The following FARP1 variants were observed in gnomAD, a reference collection of about 807,000 sequenced individuals.
FARP1 encodes FERM, ARHGEF and pleckstrin domain-containing protein 1.
FARP1 carries 52 observed loss-of-function variants against 128.8 expected under a neutral mutation model. That is an observed-to-expected ratio of 0.40 (90% CI 0.32 to 0.51). FARP1 has a LOEUF of 0.51. Among genes scored for constraint, FARP1 ranks in the 20% least tolerant of loss-of-function variants. The probability of loss-of-function intolerance (pLI) is 0.45; values close to 1 mark genes in which losing one functional copy is unlikely to be tolerated. For synonymous variants in FARP1, 580 were observed against 551.8 expected (o/e 1.05, Z -0.72); for missense variants, 1,333 against 1,367.9 (o/e 0.97, Z 0.40).
intron 2 of FARP1, among the ~76,000 whole-genome samples, chr13:98,290,771 C>G (rs570897969): frequency 6.6e-6 from 1 of 151,970 alleles, no homozygotes; most frequent in Non-Finnish European, 1.5e-5. Flanking sequence ...GACAAGATCT[C>G]CTAAAGAATT....
At chr13:98,444,543 C>T (rs1044611545) in intron 24 of FARP1, among the ~76,000 whole-genome samples, 7 of 152,134 alleles carry the variant, frequency 4.6e-5, no homozygotes, top group South Asian at 2.1e-4. Context: ...ACTCATGGCG[C>T]GCAGGGCCCG....
chr13:98,252,280 A>G (rs2139496756), intron 2 of FARP1, among the ~76,000 whole-genome samples: 1 of 152,308 alleles, frequency 6.6e-6, no homozygotes, highest in East Asian at 1.9e-4. Context: ...AGACTTCCTG[A>G]CTATTCAATG....
chr13:98,391,279 C>T (rs1408731270), intron 11 of FARP1, among the ~76,000 whole-genome samples: 3 of 152,152 alleles, frequency 2.0e-5, no homozygotes, highest in Non-Finnish European at 4.4e-5. Context: ...TGAGCAGAAA[C>T]AGGATTTTTT....
At chr13:98,155,841 A>G (rs1307317950) in intron 1 of FARP1, among the ~76,000 whole-genome samples, 1 of 152,176 alleles carries the variant, frequency 6.6e-6, no homozygotes, top group Non-Finnish European at 1.5e-5. Context: ...CTTGCCAGCC[A>G]TGGAAGTTAT....
intron 5 of FARP1, among the ~76,000 whole-genome samples, chr13:98,374,033 T>C (rs1177477993): frequency 3.3e-5 from 5 of 152,240 alleles, no homozygotes; most frequent in Non-Finnish European, 7.3e-5. Flanking sequence ...TCTGAATTTT[T>C]CTATGCATAC....
intron 2 of FARP1, among the ~76,000 whole-genome samples, chr13:98,296,108 G>T (rs541608437): frequency 6.6e-6 from 1 of 152,080 alleles, no homozygotes; most frequent in Non-Finnish European, 1.5e-5. Context: ...CCCGAGCATC[G>T]ATACATTATT....
At chr13:98,153,303 T>TA (rs1491257662) in intron 1 of FARP1, among the ~76,000 whole-genome samples, 5 of 55,382 alleles carry the variant, frequency 9.0e-5, no homozygotes, top group Non-Finnish European at 1.6e-4. Context: ...TATAAATATA[T>TA]TTATATATAA....
intron 24 of FARP1, among the ~76,000 whole-genome samples, chr13:98,441,246 G>A (rs963425644): frequency 6.6e-6 from 1 of 152,182 alleles, no homozygotes; most frequent in Non-Finnish European, 1.5e-5. Context: ...GGAGGGAGGA[G>A]AGTCTGCACG....
At chr13:98,214,293 G>A (rs189271705) in intron 2 of FARP1, among the ~76,000 whole-genome samples, 1 of 152,216 alleles carries the variant, frequency 6.6e-6, no homozygotes, top group East Asian at 1.9e-4. Flanking sequence ...TGGCTAAGCA[G>A]CAGGCCCACT....
intron 2 of FARP1, among the ~76,000 whole-genome samples, chr13:98,322,950 A>G (rs1376905790): frequency 6.6e-6 from 1 of 152,202 alleles, no homozygotes; most frequent in Non-Finnish European, 1.5e-5. Flanking sequence ...AAATATTTGC[A>G]TTCGTAATAG....
intron 1 of FARP1, among the ~76,000 whole-genome samples, chr13:98,186,391 A>C (rs2139219111): frequency 6.6e-6 from 1 of 152,158 alleles, no homozygotes; most frequent in South Asian, 2.1e-4. Context: ...TACAGATGTG[A>C]GCCACCGCGC....
chr13:98,233,483 C>G (rs151067774), intron 2 of FARP1, among the ~76,000 whole-genome samples: 3 of 152,116 alleles, frequency 2.0e-5, no homozygotes, highest in Non-Finnish European at 4.4e-5. Context: ...CAGCTCCTTC[C>G]CCCAAATACA....
At chr13:98,149,416 A>G (rs749801988) in intron 1 of FARP1, among the ~76,000 whole-genome samples, 2 of 151,462 alleles carry the variant, frequency 1.3e-5, no homozygotes, top group Non-Finnish European at 2.9e-5. Context: ...TGCTGTGAAC[A>G]TTTGTGAACA....
intron 3 of FARP1, among the ~76,000 whole-genome samples, chr13:98,350,065 C>T (rs773178576): frequency 1.1e-4 from 16 of 152,086 alleles, no homozygotes; most frequent in Non-Finnish European, 5.9e-5. Context: ...GTCACAGGAT[C>T]GAGGACAGCC....
At chr13:98,177,077 C>A in intron 1 of FARP1, 1 of 1,597,306 alleles carries the variant, frequency 6.3e-7, no homozygotes, top group Non-Finnish European at 8.5e-7. Context: ...GCCACTGTGT[C>A]GCCCTCGTCC....
At chr13:98,264,155 C>T (rs543876920) in intron 2 of FARP1, among the ~76,000 whole-genome samples, 8 of 152,324 alleles carry the variant, frequency 5.3e-5, no homozygotes, top group African/African-American at 9.6e-5. Context: ...ATACTATCTA[C>T]CTCATTTCCC....
At chr13:98,181,353 G>C (rs1878498661) in intron 1 of FARP1, among the ~76,000 whole-genome samples, 1 of 152,246 alleles carries the variant, frequency 6.6e-6, no homozygotes, top group South Asian at 2.1e-4. Flanking sequence ...CCTGCAAAGT[G>C]GGGTATAAGA....
At chr13:98,289,795 G>A (rs1885364710) in intron 2 of FARP1, among the ~76,000 whole-genome samples, 2 of 151,882 alleles carry the variant, frequency 1.3e-5, no homozygotes, top group Non-Finnish European at 1.5e-5. Flanking sequence ...ACGCCCTCCC[G>A]AAAGCCTGGC....
At chr13:98,315,952 C>T (rs917597454) in intron 2 of FARP1, among the ~76,000 whole-genome samples, 17 of 152,208 alleles carry the variant, frequency 1.1e-4, no homozygotes, top group African/African-American at 3.9e-4. Flanking sequence ...GATGTTCAGG[C>T]CTCTCCCTCC....
Sources: gnomAD v4.1 joint callset for allele counts (sites outside exome capture counted in the v4.1 genomes callset) on GRCh38, gnomAD v4.1.1 for gene constraint, MANE v1.5 for transcripts, NCBI Gene and HGNC (gene_info 2026-07-23, HGNC 2026-07-21) for gene names.